IP6K3: variants seen among roughly 807,000 people sequenced by gnomAD.
IP6K3 encodes ATP:1D-myo-inositol-hexakisphosphate phosphotransferase.
IP6K3 carries 20 observed loss-of-function variants against 28.8 expected under a neutral mutation model. The ratio of observed to expected loss-of-function variants is 0.70; its 90% confidence interval spans 0.49 to 1.01. IP6K3 has a LOEUF of 1.01. IP6K3 is among the 50% of genes least tolerant of loss of function. The pLI is 0.00. For missense variants in IP6K3, 480 were observed against 537.1 expected (o/e 0.89, Z 1.05); for synonymous variants, 213 against 221.3 (o/e 0.96, Z 0.33).
At chr6:33,747,655 CCCAG>C (rs879934761), upstream of IP6K3, among the ~76,000 whole-genome samples, 16,342 of 151,814 alleles carry the variant, frequency 0.11, 1,131 homozygotes, top group African/African-American at 0.19. The surrounding 1 kb of genome is among the most constrained non-coding windows in gnomAD (Gnocchi z 5.2). Flanking sequence ...GGCCCAGAGG[CCCAG>C]AGGCCCAGAG....
At position 33,731,666 on chromosome 6, in the gene IP6K3, C is replaced by T. The variant is rs114434252; in HGVS notation, c.200-3366G>A. On this transcript the variant is annotated intron_variant, in intron 2 of 5. Coordinates refer to ENST00000293756, the MANE Select transcript of IP6K3 (RefSeq NM_054111.5). ...GCCCTTCCCTCTGAAGTCGGGGACCCCAAGTAGATAGCCCCCTTAAAAACA... is the reference window on the plus strand; with the variant it reads ...GCCCTTCCCTCTGAAGTCGGGGACCTCAAGTAGATAGCCCCCTTAAAAACA... Among the ~76,000 whole-genome samples, 726 of 152,188 alleles carry T rather than the reference C, an allele frequency of 4.8e-3. 5 individuals are homozygous for T. The highest frequency in any genetic ancestry group is 0.012 in the African/African-American group (478 of 41,536).
the IP6K3 span, among the ~76,000 whole-genome samples, chr6:33,757,679 TA>T: frequency 1.3e-5 from 2 of 152,042 alleles, no homozygotes; most frequent in Non-Finnish European, 2.9e-5. Flanking sequence ...CACCGTGAAC[TA>T]AGTACTATAT....
upstream of IP6K3, among the ~76,000 whole-genome samples, chr6:33,750,307 C>T (rs1216470576): frequency 6.6e-6 from 1 of 152,204 alleles, no homozygotes; most frequent in South Asian, 2.1e-4. This position sits in a 1 kb window ranked among gnomAD's most constrained non-coding sequence, Gnocchi z 4.3. Context: ...CGTCACTTTG[C>T]TGCTTAATAC....
intron 4 of IP6K3, 23 bp downstream of exon 4, chr6:33,726,708 T>A (rs1766126056): frequency 1.3e-6 from 2 of 1,553,694 alleles, no homozygotes; most frequent in African/African-American, 2.7e-5. Context: ...TGGGACCACA[T>A]GTGAGGGGGA....
At chr6:33,726,943 G>A in intron 3 of IP6K3, 37 bp from the exon 4 acceptor site, 2 of 1,538,806 alleles carry the variant, frequency 1.3e-6, no homozygotes, top group Non-Finnish European at 1.8e-6. Flanking sequence ...TCAGAGCAGA[G>A]GTCTGGGGAA....
chr6:33,739,698 C>G (rs1338004306), intron 1 of IP6K3, among the ~76,000 whole-genome samples: 1 of 152,240 alleles, frequency 6.6e-6, no homozygotes, highest in Non-Finnish European at 1.5e-5. Context: ...TTTCTCAGCC[C>G]AGACCTTCCT....
chr6:33,736,097 C>T (rs1766514275), intron 1 of IP6K3, among the ~76,000 whole-genome samples: 1 of 152,208 alleles, frequency 6.6e-6, no homozygotes, highest in Admixed American at 6.5e-5. Flanking sequence ...AACTCCTGAG[C>T]TCAAGTGATC....
At position 33,725,671 on chromosome 6, in the gene IP6K3, A is replaced by G. The variant is rs779021293; in HGVS notation, c.590-55T>C. On this transcript the variant is annotated intron_variant, in intron 4 of 5. Transcript: ENST00000293756. ...AGGACTTCAGAACTGCTGCTCCGCCAGAGGTCGTTTGCATGCCTCAGAAGC... is the reference window on the plus strand; with the variant it reads ...AGGACTTCAGAACTGCTGCTCCGCCGGAGGTCGTTTGCATGCCTCAGAAGC... 4.9e-4 allele frequency: 761 copies of G among 1,542,804 alleles called. 2 individuals are homozygous for G. Among genetic ancestry groups the G allele is most frequent in the Non-Finnish European group, 6.0e-4 (680 of 1,129,456 alleles).
upstream of IP6K3, among the ~76,000 whole-genome samples, chr6:33,751,401 C>A (rs1767019318): frequency 6.6e-6 from 1 of 152,166 alleles, no homozygotes; most frequent in Admixed American, 6.5e-5. The surrounding 1 kb of genome is among the most constrained non-coding windows in gnomAD (Gnocchi z 4.3). Context: ...GATAAACTCT[C>A]TCTGGAAGGC....
the IP6K3 span, among the ~76,000 whole-genome samples, chr6:33,757,038 G>A: frequency 3.3e-5 from 5 of 152,158 alleles, no homozygotes; most frequent in Non-Finnish European, 7.3e-5. Context: ...AGGCCCCTCC[G>A]GCCACTGCCT....
chr6:33,722,943 T>C lies in IP6K3; in HGVS notation c.1010A>G (p.Glu337Gly), dbSNP rs148235846. The change falls in exon 6 of 6, where the codon GAA (glutamate) becomes GGA (glycine). Residue 337 changes from glutamate (E) to glycine (G), a missense_variant. Glu to Gly is a moderately conservative substitution (Grantham distance 98, BLOSUM62 -2). Coordinates refer to ENST00000293756, the MANE Select transcript of IP6K3 (RefSeq NM_054111.5). ...AGGATGCGGGCTGCCTGGGGCTCTT[T>C]CTGGTGGTTCCTGCCCATCATAGAT... ...LVIYDGQEPP[E>G]RAPGSPHPHE... 527 of 1,613,810 alleles carry C rather than the reference T, an allele frequency of 3.3e-4. No homozygotes were observed. The highest frequency in any genetic ancestry group is 3.9e-4 in the Non-Finnish European group (458 of 1,179,984).
intron 2 of IP6K3, among the ~76,000 whole-genome samples, chr6:33,732,179 A>G (rs1429106599): frequency 6.6e-6 from 1 of 152,220 alleles, no homozygotes; most frequent in East Asian, 1.9e-4. Flanking sequence ...AGAGGGATGC[A>G]GCCCCAGGGC....
upstream of IP6K3, among the ~76,000 whole-genome samples, chr6:33,749,789 C>A (rs1766996519): frequency 6.6e-6 from 1 of 151,924 alleles, no homozygotes; most frequent in South Asian, 2.1e-4. Context: ...CTCACAATAG[C>A]CTTGTGAGGG....
At position 33,722,703 on chromosome 6, in the gene IP6K3, G is replaced by A; in HGVS notation, c.*17C>T. 6.4e-7 allele frequency: 1 copy of A among 1,552,286 alleles called. No individual in the cohort carries two copies. The highest frequency in any genetic ancestry group is 8.8e-7 in the Non-Finnish European group (1 of 1,135,576). On this transcript the variant is annotated 3_prime_UTR_variant, in exon 6 of 6. Transcript: ENST00000293756. ...GAGATCTATAGCCCAGAAGAATCCAGATAAGCCCAGGAAGTTTCATTCTCC... is the reference window on the plus strand; with the variant it reads ...GAGATCTATAGCCCAGAAGAATCCAAATAAGCCCAGGAAGTTTCATTCTCC...
chr6:33,724,968 G>A (rs562822687), intron 5 of IP6K3, among the ~76,000 whole-genome samples: 3 of 152,142 alleles, frequency 2.0e-5, no homozygotes, highest in East Asian at 1.9e-4. Flanking sequence ...TGGGCCGGGC[G>A]CAGTGGCTCA....
At chr6:33,749,311 C>T (rs540973052), upstream of IP6K3, among the ~76,000 whole-genome samples, 25 of 152,230 alleles carry the variant, frequency 1.6e-4, no homozygotes, top group African/African-American at 5.5e-4. Context: ...ACAACATTTT[C>T]GAGCCCTTAA....
At chr6:33,757,357 G>A in the IP6K3 span, among the ~76,000 whole-genome samples, 1 of 152,192 alleles carries the variant, frequency 6.6e-6, no homozygotes, top group Non-Finnish European at 1.5e-5. Flanking sequence ...TGATGTTCTT[G>A]CCCTCTGCTG....
At chr6:33,726,547 C>T (rs552442220) in intron 4 of IP6K3, among the ~76,000 whole-genome samples, 184 bp downstream of exon 4, 3 of 152,312 alleles carry the variant, frequency 2.0e-5, no homozygotes, top group East Asian at 1.9e-4. Context: ...TTTGGAGGCA[C>T]CTGATTTCTT....
the IP6K3 span, among the ~76,000 whole-genome samples, chr6:33,757,536 A>G: frequency 1.3e-5 from 2 of 152,220 alleles, no homozygotes; most frequent in Non-Finnish European, 2.9e-5. Flanking sequence ...TTTTGAGGGT[A>G]GAGGATTGTC....
Sources: allele counts gnomAD v4.1 joint callset (sites outside exome capture counted in the v4.1 genomes callset), GRCh38; gene constraint gnomAD v4.1.1; non-coding constraint Gnocchi (gnomAD v3.1); transcripts MANE v1.5; gene names NCBI Gene and HGNC (gene_info 2026-07-23, HGNC 2026-07-21).